ARL2BP: variants seen among roughly 807,000 people sequenced by gnomAD.
The protein encoded by ARL2BP is ADP-ribosylation factor-like protein 2-binding protein.
ARL2BP carries 19 observed loss-of-function variants against 24.2 expected under a neutral mutation model. The ratio of observed to expected loss-of-function variants is 0.79; its 90% CI spans 0.55 to 1.15. The LOEUF is 1.15. ARL2BP is among the 50% of genes most tolerant of loss of function. The pLI is 0.00. For missense variants in ARL2BP, 160 were observed against 190.4 expected, an observed-to-expected ratio of 0.84 and a Z score of 0.94; for synonymous variants, 56 against 70.5, an observed-to-expected ratio of 0.79 and a Z score of 1.03.
chr16:57,249,952 A>G, intron 4 of ARL2BP, 100 bp downstream of exon 4: 3 of 1,117,288 alleles, frequency 2.7e-6, no homozygotes, highest in East Asian at 2.4e-5. Flanking sequence ...TTTCCTGTGC[A>G]TGCCGTTGGT....
intron 2 of ARL2BP, among the ~76,000 whole-genome samples, chr16:57,246,718 G>A (rs2146426414): frequency 6.6e-6 from 1 of 152,288 alleles, no homozygotes; most frequent in African/African-American, 2.4e-5. Flanking sequence ...GCAGGAAAAT[G>A]GCGTGAACCT....
intron 2 of ARL2BP, among the ~76,000 whole-genome samples, chr16:57,247,008 G>A (rs2146426727): frequency 6.6e-6 from 1 of 152,302 alleles, no homozygotes; most frequent in South Asian, 2.1e-4. Flanking sequence ...AAGTATGTAG[G>A]AGGGGAAAAC....
intron 2 of ARL2BP, chr16:57,248,311 CAAAAAAAAAAAAAAAAAA>C (rs1161528446): frequency 2.0e-3 from 100 of 49,262 alleles, no homozygotes; most frequent in Non-Finnish European, 3.5e-3. Context: ...AACTCCAGCT[CAAAAAAAAAAAAAAAAAA>C]AAAAAAAGAA....
rs566954258 is a variant in ARL2BP, at chr16:57,252,589, G to A, written c.*322G>A. On this transcript the variant is annotated 3_prime_UTR_variant, in exon 6 of 6. Transcript: ENST00000219204. Reference sequence around the variant, plus strand: ...GGGGCCCTTCCCCAGCATACCTGCTGGTGTGTAAGTGTGGACTAACCCGCC... The same window carrying A: ...GGGGCCCTTCCCCAGCATACCTGCTAGTGTGTAAGTGTGGACTAACCCGCC... 1 of 379,782 alleles carries A rather than the reference G, an allele frequency of 2.6e-6. No individual in the cohort carries two copies. The highest frequency in any genetic ancestry group is 2.5e-5 in the South Asian group (1 of 40,054). 23.5% of individuals were successfully genotyped at this position (379,782 alleles called of 1,614,324 possible).
chr16:57,246,348 A>G, intron 2 of ARL2BP: 1 of 565,470 alleles, frequency 1.8e-6, no homozygotes, highest in Non-Finnish European at 3.1e-6. Context: ...ATAAGCATAG[A>G]TTCAGAGGCT....
chr16:57,252,133 T>C (rs1406825927), intron 5 of ARL2BP, 33 bp from the exon 6 acceptor site: 3 of 1,604,736 alleles, frequency 1.9e-6, no homozygotes, highest in Non-Finnish European at 2.6e-6. Context: ...CAGGGCTCTT[T>C]CTAGTCCTTC....
intron 1 of ARL2BP, 138 bp downstream of exon 1, chr16:57,245,543 C>A (rs1164191513): frequency 1.8e-6 from 2 of 1,132,898 alleles, no homozygotes; most frequent in East Asian, 2.6e-5. Context: ...GCCAAGGCGC[C>A]GTCCCAGCTC....
chr16:57,245,342 G>C lies in ARL2BP; in HGVS notation c.-26G>C. The C allele has an allele frequency of 6.2e-7, 1 of 1,601,600 alleles. No individual in the cohort carries two copies. The highest frequency in any genetic ancestry group is 8.5e-7 in the Non-Finnish European group (1 of 1,175,348). ...GCATGCGAGTTGGGCCGCGGGCGGG[G>C]TTGGAGCCTACTCGGGGCGACTGCG... is the stretch of plus-strand genomic sequence containing the variant. On this transcript the variant is annotated 5_prime_UTR_variant, in exon 1 of 6. Coordinates refer to ENST00000219204, the MANE Select transcript of ARL2BP (RefSeq NM_012106.4).
chr16:57,248,706 CA>C, intron 3 of ARL2BP, 63 bp downstream of exon 3: 1 of 978,124 alleles, frequency 1.0e-6, no homozygotes, highest in Non-Finnish European at 1.5e-6. Context: ...AATTTAGATT[CA>C]AAAGACATTG....
intron 2 of ARL2BP, chr16:57,246,353 G>C: frequency 1.8e-6 from 1 of 552,800 alleles, no homozygotes. Flanking sequence ...CATAGATTCA[G>C]AGGCTGGAAG....
In ARL2BP at chr16:57,252,172, G is replaced by A. The variant is rs2075410392; in HGVS notation, c.397G>A (p.Glu133Lys). The stretch of plus-strand genomic sequence containing the variant: ...TGGTTGTTTTCTCATATAGGAAAAA[G>A]AAGGCCGAGGACTGGACTTAAGCAG... The part of the protein sequence containing the change: ...EMFLDYRAEK[E>K]GRGLDLSSGL... Residue 133 changes from glutamate (E) to lysine (K), a missense_variant, in exon 6 of 6, where the codon GAA becomes AAA. Transcript: ENST00000219204. 3 of 1,613,872 alleles carry A rather than the reference G, an allele frequency of 1.9e-6. No individual in the cohort carries two copies. The highest frequency in any genetic ancestry group is 2.5e-6 in the Non-Finnish European group (3 of 1,179,972).
Position 57,250,423 on chromosome 16 carries a change from T to TG in ARL2BP, c.307dup (p.Glu103GlyfsTer5). The TG allele has an allele frequency of 6.2e-7, 1 of 1,614,186 alleles. No individual in the cohort carries two copies. Among genetic ancestry groups the TG allele is most frequent in the Non-Finnish European group, 8.5e-7 (1 of 1,180,022 alleles). The stretch of plus-strand genomic sequence containing the variant: ...GTTCCGTTTGCAGGCACCATAAGGA[T>TG]GAAGTGGCTGGTGACATATTCGACA... On this transcript the variant is annotated frameshift_variant, in exon 5 of 6. Transcript: ENST00000219204. LOFTEE classifies it high-confidence loss of function.
At chr16:57,250,212 C>T in intron 4 of ARL2BP, 199 bp from the exon 5 acceptor site, 2 of 607,726 alleles carry the variant, frequency 3.3e-6, no homozygotes, top group East Asian at 2.7e-5. Flanking sequence ...ATCCCTTGAG[C>T]CCAGCAGTTC....
chr16:57,247,758 T>C (rs1384727035), intron 2 of ARL2BP, among the ~76,000 whole-genome samples: 5 of 152,192 alleles, frequency 3.3e-5, no homozygotes, highest in Non-Finnish European at 7.3e-5. Context: ...CGGGCTAGCC[T>C]CTTTCAGACC....
chr16:57,250,244 T>G, intron 4 of ARL2BP, 167 bp from the exon 5 acceptor site: 1 of 629,982 alleles, frequency 1.6e-6, no homozygotes, highest in Admixed American at 2.7e-5. Context: ...GAGCTATAAT[T>G]GCACCCCTGC....
chr16:57,248,311 C>CAAAAAA (rs1161528446), intron 2 of ARL2BP: 54 of 48,892 alleles, frequency 1.1e-3, no homozygotes, highest in Non-Finnish European at 1.6e-3. Context: ...AACTCCAGCT[C>CAAAAAA]AAAAAAAAAA....
intron 3 of ARL2BP, chr16:57,249,386 G>T (rs1041832506): frequency 8.7e-5 from 16 of 183,300 alleles, no homozygotes; most frequent in Non-Finnish European, 1.2e-4. Flanking sequence ...AAACAAACCT[G>T]CCCAGAAGGA....
chr16:57,250,524 A>G lies in ARL2BP; in HGVS notation c.390+17A>G. On this transcript the variant is annotated intron_variant, in intron 5 of 5. Transcript: ENST00000219204. The stretch of plus-strand genomic sequence containing the variant: ...TACAGAGCAGTAAGTTACTACTCCT[A>G]TTTATTTAGCCACTTTGAGCCACTT... 6.3e-7 allele frequency: 1 copy of G among 1,595,702 alleles called. No homozygotes were observed. The highest frequency in any genetic ancestry group is 8.6e-7 in the Non-Finnish European group (1 of 1,163,294).
chr16:57,250,342 A>G (rs75895400), intron 4 of ARL2BP, 69 bp from the exon 5 acceptor site: 1 of 1,446,376 alleles, frequency 6.9e-7, no homozygotes, highest in Non-Finnish European at 9.7e-7. Context: ...TGGTGGAAAG[A>G]AAAACGAAAG....
Sources: gnomAD v4.1 joint callset for allele counts (sites outside exome capture counted in the v4.1 genomes callset) on GRCh38, gnomAD v4.1.1 for gene constraint, MANE v1.5 for transcripts, NCBI Gene and HGNC (gene_info 2026-07-23, HGNC 2026-07-21) for gene names.